Variants in RIN3 observed in about 807,000 individuals in gnomAD.
The protein encoded by RIN3 is RAB5 interacting protein 3.
A neutral mutation model predicts 76.3 loss-of-function variants in RIN3; 54 were observed. The observed-to-expected ratio is 0.71, with a 90% CI of 0.57 to 0.89. The LOEUF is 0.89. Among genes scored for constraint, RIN3 ranks in the 40% least tolerant of loss-of-function variants. The pLI, the probability that RIN3 is intolerant of heterozygous loss-of-function variation, is 0.00. For synonymous variants in RIN3, 576 were observed against 564.0 expected, an observed-to-expected ratio of 1.02 and a Z score of -0.30; for missense variants, 1,256 against 1,322.1, an observed-to-expected ratio of 0.95 and a Z score of 0.78.
intron 7 of RIN3, among the ~76,000 whole-genome samples, chr14:92,664,015 G>A (rs1389754425): frequency 6.6e-6 from 1 of 152,134 alleles, no homozygotes; most frequent in Non-Finnish European, 1.5e-5. Flanking sequence ...GCGTCTAGAT[G>A]TTAGGATACA....
At position 92,638,437 on chromosome 14, in the gene RIN3, C is replaced by T. The variant is rs113472352; in HGVS notation, c.441-2801C>T. 7.9e-3 allele frequency among the ~76,000 whole-genome samples: 1,206 copies of T among 152,234 alleles called. 8 individuals carry two copies. Among genetic ancestry groups the T allele is most frequent in the African/African-American group, 0.019 (775 of 41,548 alleles). On this transcript the variant is annotated intron_variant, in intron 4 of 9. Coordinates refer to ENST00000216487, the MANE Select transcript of RIN3 (RefSeq NM_024832.5). ...AGGGGAGGCCCTGGATGCTGGGGTT[C>T]GAGTCTGGGGTGTGACTGCAGCTGC... is the stretch of plus-strand genomic sequence containing the variant.
intron 7 of RIN3, among the ~76,000 whole-genome samples, chr14:92,662,348 AG>A (rs1446327326): frequency 3.3e-5 from 5 of 152,228 alleles, no homozygotes; most frequent in African/African-American, 1.2e-4. Context: ...TGCTGGGAAC[AG>A]CCTCGGGGAG....
intron 8 of RIN3, among the ~76,000 whole-genome samples, chr14:92,679,803 C>T (rs1888600087): frequency 6.6e-6 from 1 of 152,160 alleles, no homozygotes; most frequent in Admixed American, 6.5e-5. Context: ...TCTAAGAAAA[C>T]TAACACAAAG....
At chr14:92,522,169 A>G (rs74072904) in intron 1 of RIN3, among the ~76,000 whole-genome samples, 14,410 of 152,144 alleles carry the variant, frequency 0.095, 2,252 homozygotes, top group African/African-American at 0.33. Flanking sequence ...ACACTGAAAC[A>G]GAACCTGCCA....
chr14:92,525,794 A>G (rs1896713507), intron 1 of RIN3, among the ~76,000 whole-genome samples: 1 of 152,172 alleles, frequency 6.6e-6, no homozygotes, highest in African/African-American at 2.4e-5. Context: ...CCAGAATGTG[A>G]TCACCCATCC....
intron 5 of RIN3, among the ~76,000 whole-genome samples, chr14:92,645,408 G>C (rs1229336015): frequency 6.6e-6 from 1 of 152,180 alleles, no homozygotes; most frequent in Non-Finnish European, 1.5e-5. Flanking sequence ...GAGTCTAAAG[G>C]GTTTATTCAG....
intron 4 of RIN3, among the ~76,000 whole-genome samples, chr14:92,629,253 G>A (rs1250592137): frequency 1.1e-4 from 17 of 152,188 alleles, no homozygotes; most frequent in Admixed American, 2.6e-4. Flanking sequence ...CTTCCTCCCC[G>A]CTGGCTCGCC....
intron 1 of RIN3, among the ~76,000 whole-genome samples, chr14:92,544,436 G>GGGGGGGC (rs1897205768): frequency 7.9e-6 from 1 of 127,146 alleles, no homozygotes; most frequent in African/African-American, 2.8e-5. Flanking sequence ...GGGGGTGGGG[G>GGGGGGGC]CGGGGGTCCC....
At chr14:92,582,342 G>A (rs981406544) in intron 3 of RIN3, among the ~76,000 whole-genome samples, 17 of 151,536 alleles carry the variant, frequency 1.1e-4, no homozygotes, top group Admixed American at 7.2e-4. Context: ...AATCTTTCTT[G>A]TAACCTAACA....
chr14:92,576,108 C>A, intron 2 of RIN3: 1 of 687,838 alleles, frequency 1.5e-6, no homozygotes, highest in Non-Finnish European at 2.1e-6. Flanking sequence ...CCAAGTCCTT[C>A]CCCTATGGAG....
chr14:92,604,267 C>A (rs1201983382), intron 3 of RIN3, among the ~76,000 whole-genome samples: 2 of 152,220 alleles, frequency 1.3e-5, no homozygotes, highest in East Asian at 3.9e-4. Flanking sequence ...CAGTCCCCAG[C>A]CCCTTGTCAC....
At chr14:92,603,388 G>T (rs988043667) in intron 3 of RIN3, among the ~76,000 whole-genome samples, 6 of 152,146 alleles carry the variant, frequency 3.9e-5, no homozygotes, top group Non-Finnish European at 8.8e-5. Flanking sequence ...GGAGATCTCT[G>T]TGCTGTCTTT....
chr14:92,650,179 C>T (rs1164193117), intron 5 of RIN3, among the ~76,000 whole-genome samples: 2 of 152,184 alleles, frequency 1.3e-5, no homozygotes, highest in African/African-American at 4.8e-5. Flanking sequence ...GGGAGAGCAA[C>T]CAAAATATGG....
chr14:92,672,090 A>G (rs1396964698), intron 7 of RIN3, among the ~76,000 whole-genome samples: 2 of 152,168 alleles, frequency 1.3e-5, no homozygotes, highest in Non-Finnish European at 2.9e-5. Flanking sequence ...GCTAAAAGTC[A>G]GGAGTGCTGT....
intron 8 of RIN3, among the ~76,000 whole-genome samples, chr14:92,683,718 G>T (rs1388571266): frequency 6.6e-6 from 1 of 152,112 alleles, no homozygotes; most frequent in Admixed American, 6.5e-5. Flanking sequence ...GCTCCAGTGA[G>T]CTATGTGTGA....
intron 4 of RIN3, among the ~76,000 whole-genome samples, chr14:92,627,525 C>A (rs1886399017): frequency 6.6e-6 from 1 of 152,252 alleles, no homozygotes; most frequent in African/African-American, 2.4e-5. Context: ...CATTCACACA[C>A]ACTTTCAACC....
chr14:92,544,052 TAA>T (rs1478684675), intron 1 of RIN3, among the ~76,000 whole-genome samples: 1 of 152,144 alleles, frequency 6.6e-6, no homozygotes, highest in Non-Finnish European at 1.5e-5. Flanking sequence ...TACCATTTGC[TAA>T]AAGTCAGCTG....
At chr14:92,670,113 G>A (rs192318335) in intron 7 of RIN3, among the ~76,000 whole-genome samples, 1 of 151,612 alleles carries the variant, frequency 6.6e-6, no homozygotes, top group African/African-American at 2.4e-5. Context: ...TGCCCAGGCT[G>A]GAATTAGGGC....
intron 3 of RIN3, among the ~76,000 whole-genome samples, chr14:92,588,214 C>CTTTTTTTTTTT (rs141155255): frequency 5.1e-5 from 3 of 58,760 alleles, no homozygotes; most frequent in African/African-American, 7.0e-5. Flanking sequence ...CCATAGCACT[C>CTTTTTTTTTTT]TTTTTTTTTT....
Sources: gnomAD v4.1 joint callset for allele counts (sites outside exome capture counted in the v4.1 genomes callset) on GRCh38, gnomAD v4.1.1 for gene constraint, MANE v1.5 for transcripts, NCBI Gene and HGNC (gene_info 2026-07-23, HGNC 2026-07-21) for gene names.